GSE1: variants seen among roughly 807,000 people sequenced by gnomAD.
GSE1 encodes the protein Gse1 coiled-coil protein.
In GSE1, 32 loss-of-function variants were observed where a neutral mutation model predicts 112.6. The ratio of observed to expected loss-of-function variants is 0.28; its 90% CI spans 0.21 to 0.38. The LOEUF is 0.38. Ranked by LOEUF, GSE1 falls within the 10% of genes least tolerant of loss-of-function variation. GSE1 has a pLI of 1.00. For missense variants in GSE1, 2,348 were observed against 1,699.2 expected (o/e 1.38, Z -6.71); for synonymous variants, 1,115 against 735.6 (o/e 1.52, Z -8.35).
chr16:85,475,274 T>C (rs2050416863), intron 2 of GSE1, among the ~76,000 whole-genome samples: 1 of 152,176 alleles, frequency 6.6e-6, no homozygotes. Flanking sequence ...TGCAGAGCAG[T>C]GCAAGTACAG....
chr16:85,305,772 C>T (rs555055587), intron 1 of GSE1, among the ~76,000 whole-genome samples: 30 of 152,234 alleles, frequency 2.0e-4, no homozygotes, highest in African/African-American at 6.7e-4. Context: ...CACTGCACTC[C>T]GCCCAGCATC....
At chr16:85,665,418 C>G (rs1250653625) in intron 12 of GSE1, among the ~76,000 whole-genome samples, 1 of 152,216 alleles carries the variant, frequency 6.6e-6, no homozygotes, top group African/African-American at 2.4e-5. Flanking sequence ...GGCACAGAGG[C>G]TCACATGGAG....
chr16:85,195,772 A>C (rs1435931504), intron 1 of GSE1, among the ~76,000 whole-genome samples: 1 of 152,222 alleles, frequency 6.6e-6, no homozygotes, highest in Non-Finnish European at 1.5e-5. Flanking sequence ...TGTCCCGGAA[A>C]GGTTAGAAAG....
intron 2 of GSE1, among the ~76,000 whole-genome samples, chr16:85,470,476 C>T (rs1368346928): frequency 3.3e-5 from 5 of 152,208 alleles, no homozygotes; most frequent in African/African-American, 9.7e-5. Context: ...CCCCTTCATG[C>T]CCGGCCACTG....
intron 2 of GSE1, among the ~76,000 whole-genome samples, chr16:85,430,043 A>C (rs1353910913): frequency 6.6e-6 from 1 of 152,028 alleles, no homozygotes; most frequent in East Asian, 1.9e-4. Flanking sequence ...CTGTCTCTTC[A>C]CCTCCTAGTC....
rs1001459075 is a variant in GSE1 at position 85,368,081 on chromosome 16, C to G, written c.2464+10438C>G. ...GTTGGTCGGGCTGGTCTCGAACTCT[C>G]GACCTCAGGTGATCCACCCGCCTCA... On this transcript the variant is annotated intron_variant, in intron 2 of 2. Coordinates refer to the GSE1 transcript ENST00000637419. Among the ~76,000 whole-genome samples the G allele has an allele frequency of 3.3e-5, 5 of 152,052 alleles. No homozygotes were observed. In the East Asian group the frequency reaches 9.7e-4, roughly 30 times the overall value.
intron 2 of GSE1, among the ~76,000 whole-genome samples, chr16:85,370,102 G>T (rs2047263834): frequency 6.6e-6 from 1 of 152,138 alleles, no homozygotes; most frequent in Non-Finnish European, 1.5e-5. Context: ...ATACTGGCCG[G>T]ACCCAGGAGG....
intron 2 of GSE1, among the ~76,000 whole-genome samples, chr16:85,493,354 G>T (rs1441394619): frequency 6.6e-6 from 1 of 152,062 alleles, no homozygotes. Context: ...GCCAAGGCAG[G>T]AGGATTGCTT....
intron 1 of GSE1, among the ~76,000 whole-genome samples, chr16:85,192,528 C>T (rs2074844584): frequency 6.6e-6 from 1 of 152,212 alleles, no homozygotes; most frequent in South Asian, 2.1e-4. Context: ...TTTCTAGCTT[C>T]ACAGGTGTGA....
chr16:85,455,114 C>T (rs959994442), intron 2 of GSE1, among the ~76,000 whole-genome samples: 1 of 152,210 alleles, frequency 6.6e-6, no homozygotes, highest in Non-Finnish European at 1.5e-5. Flanking sequence ...GCCTGAGCAG[C>T]GCCCTGCGGC....
intron 2 of GSE1, among the ~76,000 whole-genome samples, chr16:85,479,889 G>A (rs1231194435): frequency 6.6e-6 from 1 of 152,174 alleles, no homozygotes; most frequent in Non-Finnish European, 1.5e-5. Context: ...GTGGCTTATA[G>A]TTCTGCAGCA....
At chr16:85,554,822 G>A (rs2045117380), upstream of GSE1, 1 of 955,038 alleles carries the variant, frequency 1.0e-6, no homozygotes, top group Middle Eastern at 5.3e-4. Flanking sequence ...CGGGCGGCCA[G>A]AGCGCGGAGT....
chr16:85,425,970 A>G (rs2048967935), intron 2 of GSE1, among the ~76,000 whole-genome samples: 1 of 152,082 alleles, frequency 6.6e-6, no homozygotes. Context: ...CAAACTTTAG[A>G]CAGTCATGCT....
chr16:85,616,742 G>T (rs2048395404), intron 1 of GSE1, among the ~76,000 whole-genome samples: 1 of 151,998 alleles, frequency 6.6e-6, no homozygotes, highest in African/African-American at 2.4e-5. Context: ...GTGCGGTGTG[G>T]GACGCCGTGC....
At chr16:85,590,811 C>T (rs974045986) in intron 1 of GSE1, among the ~76,000 whole-genome samples, 3 of 152,190 alleles carry the variant, frequency 2.0e-5, no homozygotes, top group South Asian at 4.1e-4. Flanking sequence ...TGTGACCCTC[C>T]GCAGCTCACT....
At chr16:85,286,400 T>C (rs1408170734) in intron 1 of GSE1, among the ~76,000 whole-genome samples, 1 of 152,198 alleles carries the variant, frequency 6.6e-6, no homozygotes, top group Non-Finnish European at 1.5e-5. Context: ...GGCTGGTGCC[T>C]CATCTCCCCT....
upstream of GSE1, among the ~76,000 whole-genome samples, chr16:85,551,266 G>C (rs1379158293): frequency 6.6e-6 from 1 of 152,246 alleles, no homozygotes; most frequent in Non-Finnish European, 1.5e-5. Context: ...TCCTTGGACA[G>C]AATCCCTCTG....
At chr16:85,600,916 C>G (rs1325660807) in intron 1 of GSE1, among the ~76,000 whole-genome samples, 1 of 152,108 alleles carries the variant, frequency 6.6e-6, no homozygotes, top group Admixed American at 6.5e-5. Context: ...AGTCTCCTCT[C>G]CAACGGCTCA....
chr16:85,530,218 AC>A (rs1263047534), intron 2 of GSE1, among the ~76,000 whole-genome samples: 1 of 152,100 alleles, frequency 6.6e-6, no homozygotes, highest in Non-Finnish European at 1.5e-5. Context: ...AAAGCTCCTA[AC>A]GATATTGATC....
Sources: gnomAD v4.1 joint callset for allele counts (sites outside exome capture counted in the v4.1 genomes callset) on GRCh38, gnomAD v4.1.1 for gene constraint, MANE v1.5 for transcripts, NCBI Gene and HGNC (gene_info 2026-07-23, HGNC 2026-07-21) for gene names.